The following CACNA1D variants were observed in gnomAD, a reference collection of about 807,000 sequenced individuals.
CACNA1D encodes the protein voltage-dependent L-type calcium channel subunit alpha-1D.
A neutral mutation model predicts 257.1 loss-of-function variants in CACNA1D; 55 were observed. The observed-to-expected ratio is 0.21, with a 90% CI of 0.17 to 0.27. The LOEUF (loss-of-function observed/expected upper bound fraction) is 0.27. CACNA1D is among the 10% of genes least tolerant of loss of function. The probability of loss-of-function intolerance (pLI) is 1.00; values close to 1 mark genes in which losing one functional copy is unlikely to be tolerated. For missense variants in CACNA1D, 1,876 were observed against 2,784.0 expected (o/e 0.67, Z 7.34); for synonymous variants, 980 against 1,014.9 (o/e 0.97, Z 0.65).
chr3:53,777,432 G>A (rs535995275), intron 37 of CACNA1D, among the ~76,000 whole-genome samples: 1 of 152,326 alleles, frequency 6.6e-6, no homozygotes, highest in South Asian at 2.1e-4. Context: ...TTAGGAAGTT[G>A]GCTGTTGGCA....
chr3:53,743,355 T>A (rs1280787936), intron 22 of CACNA1D, among the ~76,000 whole-genome samples: 2 of 152,230 alleles, frequency 1.3e-5, no homozygotes, highest in Admixed American at 6.5e-5. Context: ...GAAATTTGCT[T>A]TCAACTGAGG....
intron 3 of CACNA1D, among the ~76,000 whole-genome samples, chr3:53,574,681 CA>C (rs2107708782): frequency 6.6e-6 from 1 of 152,012 alleles, no homozygotes; most frequent in African/African-American, 2.4e-5. Context: ...TCACACCCCC[CA>C]GCAGACGGGA....
chr3:53,645,845 G>A (rs1030309283), intron 3 of CACNA1D, among the ~76,000 whole-genome samples: 5 of 152,102 alleles, frequency 3.3e-5, no homozygotes, highest in African/African-American at 7.2e-5. Context: ...TGAGAAAGAG[G>A]GTTGGGGAGA....
Position 53,497,445 on chromosome 3 carries a change from A to C in CACNA1D, c.361A>C (p.Ser121Arg). 6.2e-7 allele frequency: 1 copy of C among 1,614,146 alleles called. No individual in the cohort carries two copies. The highest frequency in any genetic ancestry group is 8.5e-7 in the Non-Finnish European group (1 of 1,180,008). The change falls in exon 2 of 48, where the codon AGT becomes CGT. Residue 121 changes from serine to arginine, a missense_variant. Ser to Arg is a moderately radical substitution (Grantham distance 110). This residue lies in a region of CACNA1D where 143 missense variants were observed against 168.7 expected (regional missense o/e 0.85). Transcript: ENST00000350061. Reference protein sequence around the residue: ...LNNPIRRACISIVEWKPFDIF... With the variant: ...LNNPIRRACIRIVEWKPFDIF... ...TAACCCCATCCGAAGAGCCTGCATT[A>C]GTATAGTGGAATGGAAGTATCCTTT... is the stretch of plus-strand genomic sequence containing the variant.
intron 7 of CACNA1D, among the ~76,000 whole-genome samples, chr3:53,667,139 G>A (rs144081415): frequency 6.6e-6 from 1 of 152,252 alleles, no homozygotes; most frequent in Non-Finnish European, 1.5e-5. Flanking sequence ...ACAGACCTCT[G>A]GCAGAAAGGG....
At chr3:53,682,953 C>T (rs1033566372) in intron 8 of CACNA1D, among the ~76,000 whole-genome samples, 9 of 152,150 alleles carry the variant, frequency 5.9e-5, no homozygotes, top group South Asian at 4.1e-4. Context: ...AGGTAAACTC[C>T]GCAGTTGTCC....
intron 20 of CACNA1D, among the ~76,000 whole-genome samples, chr3:53,735,952 G>A (rs183303451): frequency 2.0e-5 from 3 of 152,314 alleles, no homozygotes; most frequent in South Asian, 2.1e-4. Context: ...TGCCTATGTC[G>A]TGTAGACTTA....
intron 3 of CACNA1D, among the ~76,000 whole-genome samples, chr3:53,643,235 C>T (rs2093981508): frequency 6.6e-6 from 1 of 152,154 alleles, no homozygotes; most frequent in East Asian, 1.9e-4. Flanking sequence ...ATTGTTGTTC[C>T]TCTAAGTGCA....
At chr3:53,549,646 T>A (rs2092487727) in intron 3 of CACNA1D, among the ~76,000 whole-genome samples, 1 of 152,240 alleles carries the variant, frequency 6.6e-6, no homozygotes, top group South Asian at 2.1e-4. Context: ...AGCATAATAA[T>A]GTAAACCCTA....
At chr3:53,508,486 G>A (rs538955499) in intron 3 of CACNA1D, among the ~76,000 whole-genome samples, 1 of 152,090 alleles carries the variant, frequency 6.6e-6, no homozygotes, top group East Asian at 1.9e-4. Flanking sequence ...CCACCACCCC[G>A]CAACTCAAGT....
intron 3 of CACNA1D, among the ~76,000 whole-genome samples, chr3:53,592,968 T>C (rs1265579956): frequency 6.6e-6 from 1 of 152,136 alleles, no homozygotes; most frequent in Non-Finnish European, 1.5e-5. Flanking sequence ...GGATTACAGG[T>C]GTGAGCCACT....
At chr3:53,687,940 C>T (rs546694015) in intron 8 of CACNA1D, among the ~76,000 whole-genome samples, 7 of 152,300 alleles carry the variant, frequency 4.6e-5, no homozygotes, top group Non-Finnish European at 1.0e-4. Flanking sequence ...TTCCAAGTGT[C>T]ACCAAGAGTA....
chr3:53,547,545 C>T (rs892487282), intron 3 of CACNA1D, among the ~76,000 whole-genome samples: 5 of 152,102 alleles, frequency 3.3e-5, no homozygotes, highest in African/African-American at 7.2e-5. Flanking sequence ...TAGATGGGTG[C>T]GTCAGGGTTC....
chr3:53,602,010 CTGTG>C (rs1356996629), intron 3 of CACNA1D, among the ~76,000 whole-genome samples: 1 of 152,168 alleles, frequency 6.6e-6, no homozygotes, highest in African/African-American at 2.4e-5. Context: ...CACACCCAGC[CTGTG>C]TTAGATTAGT....
At position 53,555,442 on chromosome 3, in the gene CACNA1D, GTGTGT is replaced by G. The variant is rs2092621728; in HGVS notation, c.483+53723_483+53727del. 5.8e-5 allele frequency among the ~76,000 whole-genome samples: 6 copies of G among 104,316 alleles called. No homozygotes were observed. The South Asian group carries it at 8.8e-4, about 15-fold the overall frequency. The allele number at this position is 104,316 out of a possible 152,430, so 68.4% of individuals were successfully genotyped here. The stretch of plus-strand genomic sequence containing the variant: ...TCTGGCTGCTTTTTCTGGTGGGTGT[GTGTGT>G]GTGTGTGTGTGTGTTTTTTTTTTTT... On this transcript the variant is annotated intron_variant, in intron 3 of 47. Coordinates refer to ENST00000350061, the MANE Select transcript of CACNA1D (RefSeq NM_001128840.3).
At position 53,665,066 on chromosome 3, in the gene CACNA1D, G is replaced by A. The variant is rs563658844; in HGVS notation, c.767-594G>A. On this transcript the variant is annotated intron_variant, in intron 5 of 47. Coordinates refer to ENST00000350061, the MANE Select transcript of CACNA1D (RefSeq NM_001128840.3). Reference sequence around the variant, plus strand: ...CAAACCTGGCGGTAGGCACAGTCGTGAGTTTGCCCACATCCTGCATTCATG... The same window carrying A: ...CAAACCTGGCGGTAGGCACAGTCGTAAGTTTGCCCACATCCTGCATTCATG... Among the ~76,000 whole-genome samples the A allele has an allele frequency of 3.9e-5, 6 of 152,094 alleles. No individual in the cohort carries two copies. In the South Asian group the frequency reaches 1.3e-3, roughly 32 times the overall value.
intron 3 of CACNA1D, among the ~76,000 whole-genome samples, chr3:53,590,770 C>A (rs2093292435): frequency 6.6e-6 from 1 of 152,174 alleles, no homozygotes; most frequent in East Asian, 1.9e-4. Context: ...ATCATGGTGC[C>A]CACATCCTGG....
chr3:53,531,018 ATTTT>A lies in CACNA1D; in HGVS notation c.483+29313_483+29316del, dbSNP rs11328561. Among the ~76,000 whole-genome samples, 3 of 118,888 alleles carry A rather than the reference ATTTT, an allele frequency of 2.5e-5. No homozygotes were observed. In the Admixed American group the frequency reaches 2.6e-4, roughly 10 times the overall value. 78.0% of individuals were successfully genotyped at this position (118,888 alleles called of 152,430 possible). ...GTCCCACCATGCCCAGCTAATTTTA[ATTTT>A]TTTTTTTTTTTTTTGTAGAGGTGAG... On this transcript the variant is annotated intron_variant, in intron 3 of 47. Transcript: ENST00000350061.
chr3:53,726,521 C>G (rs2094936430), intron 14 of CACNA1D, among the ~76,000 whole-genome samples: 1 of 152,104 alleles, frequency 6.6e-6, no homozygotes, highest in African/African-American at 2.4e-5. Flanking sequence ...CCTGTAATCC[C>G]AGCTACTTGA....
Sources: gnomAD v4.1 joint callset for allele counts (sites outside exome capture counted in the v4.1 genomes callset) on GRCh38, gnomAD v4.1.1 for gene constraint, gnomAD v4.1.1 regional missense constraint, MANE v1.5 for transcripts, NCBI Gene and HGNC (gene_info 2026-07-23, HGNC 2026-07-21) for gene names.